The following ANO4 variants were observed in gnomAD, a reference collection of about 807,000 sequenced individuals.
ANO4 encodes anoctamin-4.
A neutral mutation model predicts 141.9 loss-of-function variants in ANO4; 69 were observed. The observed-to-expected ratio is 0.49, with a 90% CI of 0.40 to 0.59. ANO4 has a LOEUF of 0.59. Among genes scored for constraint, ANO4 ranks in the 20% least tolerant of loss-of-function variants. The probability of loss-of-function intolerance (pLI) is 0.00; values close to 1 mark genes in which losing one functional copy is unlikely to be tolerated. For missense variants in ANO4, 894 were observed against 1,162.2 expected, an observed-to-expected ratio of 0.77 and a Z score of 3.36; for synonymous variants, 350 against 394.3, an observed-to-expected ratio of 0.89 and a Z score of 1.33.
At position 101,073,242 on chromosome 12, in the gene ANO4, A is replaced by G. The variant is rs1477865645; in HGVS notation, c.1313-5951A>G. The stretch of plus-strand genomic sequence containing the variant: ...ATACACCATGGCATACTATGCAGCC[A>G]TAAAAAAGGATGAGTTCATGTCCTT... On this transcript the variant is annotated intron_variant, in intron 14 of 27. Coordinates refer to ENST00000392977, the MANE Select transcript of ANO4 (RefSeq NM_001286615.2). 3.9e-5 allele frequency among the ~76,000 whole-genome samples: 6 copies of G among 152,280 alleles called. No homozygotes were observed. In the East Asian group the frequency reaches 9.7e-4, roughly 25 times the overall value.
upstream of ANO4, among the ~76,000 whole-genome samples, chr12:100,794,354 G>C (rs2034169665): frequency 6.6e-6 from 1 of 152,164 alleles, no homozygotes; most frequent in Non-Finnish European, 1.5e-5. Flanking sequence ...GAGATGCTGT[G>C]GGATGCCTCA....
intron 1 of ANO4, among the ~76,000 whole-genome samples, chr12:100,799,092 G>GC (rs2034526813): frequency 1.3e-5 from 2 of 152,216 alleles, no homozygotes; most frequent in Admixed American, 6.5e-5. Flanking sequence ...TTCCAGTTCA[G>GC]CCCCCACCAC....
intron 1 of ANO4, among the ~76,000 whole-genome samples, chr12:100,817,988 A>C (rs6538972): frequency 0.58 from 87,611 of 151,334 alleles, 25,711 homozygotes; most frequent in East Asian, 0.71. Context: ...TGCAGAATTC[A>C]TCTAACTTTA....
chr12:101,056,199 T>C (rs564001486), intron 14 of ANO4, among the ~76,000 whole-genome samples: 1 of 152,312 alleles, frequency 6.6e-6, no homozygotes, highest in African/African-American at 2.4e-5. Flanking sequence ...TGGGATTAAG[T>C]TGAATCAATG....
intron 22 of ANO4, among the ~76,000 whole-genome samples, chr12:101,107,143 A>G (rs915111908): frequency 7.9e-5 from 12 of 152,210 alleles, no homozygotes; most frequent in Non-Finnish European, 1.5e-4. Context: ...TTTTCTGTCC[A>G]TAACATCCAT....
rs150092821 is a variant in ANO4 at position 100,952,798 on chromosome 12, T to G, written c.456+10263T>G. Among the ~76,000 whole-genome samples, 36 of 152,322 alleles carry G rather than the reference T, an allele frequency of 2.4e-4. No homozygotes were observed. The East Asian group carries it at 6.2e-3, about 26-fold the overall frequency. On this transcript the variant is annotated intron_variant, in intron 5 of 27. Coordinates refer to ENST00000392977, the MANE Select transcript of ANO4 (RefSeq NM_001286615.2). ...TTTAAAGATCTAAGGGCCTCATTAT[T>G]GCCTCAACTGCTTTTGCTTATTTAG...
chr12:100,957,653 C>T (rs1008394924), intron 5 of ANO4, among the ~76,000 whole-genome samples: 6 of 152,122 alleles, frequency 3.9e-5, no homozygotes, highest in Non-Finnish European at 5.9e-5. Context: ...TGCAGTGGCG[C>T]GATCTCAGCT....
At chr12:100,908,658 G>A (rs2040957960) in intron 2 of ANO4, among the ~76,000 whole-genome samples, 2 of 152,180 alleles carry the variant, frequency 1.3e-5, no homozygotes, top group South Asian at 4.1e-4. Context: ...TTATGGAAGA[G>A]CTCTCAAACT....
intron 8 of ANO4, among the ~76,000 whole-genome samples, chr12:101,009,585 A>C (rs1243132262): frequency 6.6e-6 from 1 of 152,118 alleles, no homozygotes; most frequent in African/African-American, 2.4e-5. Flanking sequence ...GAACTTCAAA[A>C]ACATTCCAAT....
chr12:100,856,626 T>A (rs1279180359), intron 1 of ANO4, among the ~76,000 whole-genome samples: 8 of 152,110 alleles, frequency 5.3e-5, no homozygotes, highest in Non-Finnish European at 1.2e-4. Flanking sequence ...GAGTGGAAGA[T>A]GGTGGCTCTA....
rs76938687 is a variant in ANO4, at chr12:100,996,003, A to G, written c.734+8333A>G. 3.0e-3 allele frequency among the ~76,000 whole-genome samples: 459 copies of G among 152,330 alleles called. 2 individuals carry two copies. Among genetic ancestry groups the G allele is most frequent in the Non-Finnish European group, 5.2e-3 (351 of 68,010 alleles). On this transcript the variant is annotated intron_variant, in intron 8 of 27. Transcript: ENST00000392977. ...GAAGTGAAAAATGCGGTCAACCACAATGGTCAATTGTGGTTTCCATGTCCA... is the reference window on the plus strand; with the variant it reads ...GAAGTGAAAAATGCGGTCAACCACAGTGGTCAATTGTGGTTTCCATGTCCA...
chr12:100,953,527 T>C (rs572164659), intron 5 of ANO4, among the ~76,000 whole-genome samples: 10 of 152,342 alleles, frequency 6.6e-5, no homozygotes, highest in African/African-American at 1.9e-4. Flanking sequence ...GTCTGTGGTA[T>C]CTAATAACTC....
chr12:100,777,565 C>G (rs1194989514), intron 3 of ANO4, among the ~76,000 whole-genome samples: 1 of 151,782 alleles, frequency 6.6e-6, no homozygotes, highest in South Asian at 2.1e-4. Flanking sequence ...AGCTTGGGTT[C>G]TTTTATAGAT....
chr12:100,795,896 T>C (rs560809851), intron 1 of ANO4, among the ~76,000 whole-genome samples: 1 of 152,320 alleles, frequency 6.6e-6, no homozygotes, highest in African/African-American at 2.4e-5. Flanking sequence ...GCTCTAATTT[T>C]TCACCTGGTC....
intron 1 of ANO4, among the ~76,000 whole-genome samples, chr12:100,900,095 C>G (rs2040521380): frequency 7.0e-6 from 1 of 143,336 alleles, no homozygotes. Flanking sequence ...ACAGTTCTCA[C>G]TCAGAAAGAA....
rs1241283682 is a variant in ANO4 at position 100,764,521 on chromosome 12, G to A, written c.358+24416G>A. ...ATCCTTCTCAGAACACTTTCTCCTT[G>A]CAAACTCTAATAGCAACAATAACAG... On this transcript the variant is annotated intron_variant, in intron 3 of 29. Transcript: ENST00000644049. Among the ~76,000 whole-genome samples, 10 of 152,214 alleles carry A rather than the reference G, an allele frequency of 6.6e-5. No individual in the cohort carries two copies. The East Asian group carries it at 1.9e-3, about 29-fold the overall frequency.
intron 5 of ANO4, among the ~76,000 whole-genome samples, chr12:100,947,191 A>G (rs545413725): frequency 2.0e-5 from 3 of 152,220 alleles, no homozygotes; most frequent in Non-Finnish European, 2.9e-5. Flanking sequence ...TCTATTTTAG[A>G]TGGGAGAAAT....
intron 8 of ANO4, among the ~76,000 whole-genome samples, chr12:100,991,513 T>TAAAAAAAAAAAAAA (rs59975425): frequency 9.0e-6 from 1 of 111,174 alleles, no homozygotes; most frequent in East Asian, 2.8e-4. Flanking sequence ...ATGAAAATAG[T>TAAAAAAAAAAAAAA]AAAAAAAAAA....
At chr12:101,082,517 A>G (rs1412436983) in intron 15 of ANO4, among the ~76,000 whole-genome samples, 37 of 152,246 alleles carry the variant, frequency 2.4e-4, no homozygotes, top group Non-Finnish European at 2.9e-5. Context: ...AGTTTCCCAA[A>G]GAAGCAGAAG....
Sources: gnomAD v4.1 joint callset for allele counts (sites outside exome capture counted in the v4.1 genomes callset) on GRCh38, gnomAD v4.1.1 for gene constraint, MANE v1.5 for transcripts, NCBI Gene and HGNC (gene_info 2026-07-23, HGNC 2026-07-21) for gene names.